CARMIL1: variants seen among roughly 807,000 people sequenced by gnomAD.
CARMIL1 encodes capping protein regulator and myosin 1 linker 1, also known as F-actin-uncapping protein LRRC16A.
Under a neutral mutation model 177.1 loss-of-function variants are expected in CARMIL1, and 90 were observed. The ratio of observed to expected loss-of-function variants is 0.51; its 90% CI spans 0.43 to 0.61. The LOEUF (loss-of-function observed/expected upper bound fraction) is 0.61, where lower values mean the gene tolerates loss of function less well. CARMIL1 is among the 20% of genes least tolerant of loss of function. The pLI, the probability that CARMIL1 is intolerant of heterozygous loss-of-function variation, is 0.00. For missense variants in CARMIL1, 1,380 were observed against 1,667.0 expected (o/e 0.83, Z 3.00); for synonymous variants, 577 against 606.2 (o/e 0.95, Z 0.71).
intron 12 of CARMIL1, among the ~76,000 whole-genome samples, chr6:25,484,049 A>T (rs1802394986): frequency 6.6e-6 from 1 of 152,108 alleles, no homozygotes; most frequent in Admixed American, 6.5e-5. Flanking sequence ...TGAGCTACTG[A>T]GCCTGGCTGC....
At chr6:25,458,413 G>A (rs1372400275) in intron 8 of CARMIL1, among the ~76,000 whole-genome samples, 1 of 150,142 alleles carries the variant, frequency 6.7e-6, no homozygotes, top group African/African-American at 2.5e-5. Flanking sequence ...TGCTTGAATC[G>A]GGTGGCGAGG....
intron 34 of CARMIL1, among the ~76,000 whole-genome samples, chr6:25,605,656 A>G (rs2151320208): frequency 6.6e-6 from 1 of 152,292 alleles, no homozygotes; most frequent in East Asian, 1.9e-4. Flanking sequence ...CAGAGCCCTA[A>G]CTGCTTATTG....
chr6:25,462,538 G>A (rs553962907), intron 8 of CARMIL1, among the ~76,000 whole-genome samples: 110 of 152,206 alleles, frequency 7.2e-4, no homozygotes, highest in African/African-American at 8.4e-4. Context: ...GCATGATGGC[G>A]GCATTTGTTG....
chr6:25,393,438 C>G (rs900625634), intron 2 of CARMIL1: 1 of 152,132 alleles, frequency 6.6e-6, no homozygotes, highest in African/African-American at 2.4e-5. Flanking sequence ...CACCTGTAAT[C>G]CCAGCTACTT....
chr6:25,532,854 A>G (rs1473556707), intron 24 of CARMIL1, among the ~76,000 whole-genome samples: 2 of 152,242 alleles, frequency 1.3e-5, no homozygotes, highest in Admixed American at 1.3e-4. Context: ...TGGAGCCCAT[A>G]GGATCTCTGT....
chr6:25,606,253 CAAGAACCGCCTCACGGCCTGGT>C lies in CARMIL1; in HGVS notation c.3832_3847+6del. 6.2e-7 allele frequency: 1 copy of C among 1,613,654 alleles called. No homozygotes were observed. Among genetic ancestry groups the C allele is most frequent in the South Asian group, 1.1e-5 (1 of 91,034 alleles). On this transcript the variant is annotated splice_donor_variant and coding_sequence_variant, in exon 35 of 37. Coordinates refer to ENST00000329474, the MANE Select transcript of CARMIL1 (RefSeq NM_017640.6). LOFTEE classifies it high-confidence loss of function. ...GCACGGCCCGTCATCCCGCAGAAAC[CAAGAACCGCCTCACGGCCTGGT>C]AAGAGTTTTGCAGTTAGGGAGTTGC...
At position 25,616,654 on chromosome 6, in the gene CARMIL1, C is replaced by T. The variant is rs9358864; in HGVS notation, c.3980-2793C>T. On this transcript the variant is annotated intron_variant, in intron 36 of 36. Transcript: ENST00000329474. ...TCTGGAGTTTTAAGTTTCAAACAGA[C>T]GTAATTCTATTTAGACCATCTTTTA... 2.0e-4 allele frequency among the ~76,000 whole-genome samples: 30 copies of T among 152,284 alleles called. No homozygotes were observed. In the East Asian group the frequency reaches 3.1e-3, roughly 16 times the overall value.
chr6:25,465,960 A>G lies in CARMIL1; in HGVS notation c.690+12A>G. On this transcript the variant is annotated intron_variant, in intron 9 of 36. Transcript: ENST00000329474. ...AGGATCTAAAACTGGTAAGTAATCA[A>G]ACATGCAGCAAATGTTGCTTGGCTT... 1.3e-6 allele frequency: 2 copies of G among 1,583,658 alleles called. No homozygotes were observed. Among genetic ancestry groups the G allele is most frequent in the Non-Finnish European group, 1.7e-6 (2 of 1,154,068 alleles).
intron 8 of CARMIL1, among the ~76,000 whole-genome samples, chr6:25,461,378 C>T (rs891904424): frequency 3.9e-5 from 6 of 152,182 alleles, no homozygotes; most frequent in Non-Finnish European, 8.8e-5. Flanking sequence ...AACAAAGCCC[C>T]TCAAACTTAA....
At chr6:25,498,148 C>G (rs1803927451) in intron 16 of CARMIL1, among the ~76,000 whole-genome samples, 1 of 152,130 alleles carries the variant, frequency 6.6e-6, no homozygotes, top group Non-Finnish European at 1.5e-5. Context: ...TCATGTGGTA[C>G]CCCTTCTCTG....
At position 25,600,416 on chromosome 6, in the gene CARMIL1, C is replaced by G; in HGVS notation, c.3222C>G (p.Ile1074Met). 5 of 1,613,926 alleles carry G rather than the reference C, an allele frequency of 3.1e-6. No homozygotes were observed. The highest frequency in any genetic ancestry group is 4.2e-6 in the Non-Finnish European group (5 of 1,179,878). The change falls in exon 33 of 37, where the codon ATC becomes ATG. Residue 1074 changes from isoleucine to methionine, a missense_variant. Coordinates refer to ENST00000329474, the MANE Select transcript of CARMIL1 (RefSeq NM_017640.6). Reference sequence around the variant, plus strand: ...AAAGTAGTGGCTTTCTCAATTTAATCAAATCCCGGTCCAAATCCGAGCGAC... The same window carrying G: ...AAAGTAGTGGCTTTCTCAATTTAATGAAATCCCGGTCCAAATCCGAGCGAC... ...SRKSSGFLNLIKSRSKSERPP... is the reference protein window; with the variant it reads ...SRKSSGFLNLMKSRSKSERPP...
intron 29 of CARMIL1, among the ~76,000 whole-genome samples, chr6:25,568,217 C>T (rs1350435225): frequency 1.3e-5 from 2 of 152,024 alleles, no homozygotes; most frequent in Middle Eastern, 3.2e-3. Context: ...GATTATATAG[C>T]CTTATATAAA....
At chr6:25,490,238 C>T (rs923110514) in intron 13 of CARMIL1, among the ~76,000 whole-genome samples, 1 of 152,118 alleles carries the variant, frequency 6.6e-6, no homozygotes, top group African/African-American at 2.4e-5. Flanking sequence ...AGTCTTGTCA[C>T]CATTTCATGG....
rs1319774308 is a variant in CARMIL1, at chr6:25,449,944, A to G, written c.418A>G (p.Ser140Gly). 1.2e-6 allele frequency: 2 copies of G among 1,612,040 alleles called. No individual in the cohort carries two copies. Among genetic ancestry groups the G allele is most frequent in the African/African-American group, 1.3e-5 (1 of 74,858 alleles). ...CATGGAGCCATCTGAGCGCCTGGCT[A>G]GTCTCCAGGCGCTGTGGGACAGCCA... ...VSMEPSERLASLQALWDSQTV... is the reference protein window; with the variant it reads ...VSMEPSERLAGLQALWDSQTV... Residue 140 changes from serine to glycine, a missense_variant, in exon 6 of 37, where the codon AGT becomes GGT. Coordinates refer to ENST00000329474, the MANE Select transcript of CARMIL1 (RefSeq NM_017640.6).
chr6:25,332,577 T>C (rs920830741), intron 2 of CARMIL1, among the ~76,000 whole-genome samples: 3 of 152,118 alleles, frequency 2.0e-5, no homozygotes, highest in African/African-American at 7.2e-5. Flanking sequence ...TTGCTGAAAC[T>C]GAGGGACATG....
At chr6:25,477,602 T>C (rs758500407) in intron 11 of CARMIL1, among the ~76,000 whole-genome samples, 1 of 151,090 alleles carries the variant, frequency 6.6e-6, no homozygotes, top group Non-Finnish European at 1.5e-5. Flanking sequence ...GTGAAATCAA[T>C]TTAATAGTTC....
chr6:25,480,882 G>A (rs1455304309), intron 11 of CARMIL1, among the ~76,000 whole-genome samples: 4 of 151,160 alleles, frequency 2.6e-5, no homozygotes, highest in South Asian at 2.1e-4. Flanking sequence ...CACCACGCCC[G>A]GCTAATTTTT....
In CARMIL1 at chr6:25,312,974, C is replaced by G. The variant is rs572860947; in HGVS notation, c.138+28065C>G. ...GTGGAGAGAAGAAACCCTTGTTTCC[C>G]TTTCTGAGTTGTAAAAAGCTTTTAT... On this transcript the variant is annotated intron_variant, in intron 2 of 36. Transcript: ENST00000329474. Among the ~76,000 whole-genome samples the G allele has an allele frequency of 2.0e-5, 3 of 151,328 alleles. No homozygotes were observed. The East Asian group carries it at 5.8e-4, about 29-fold the overall frequency.
intron 31 of CARMIL1, among the ~76,000 whole-genome samples, chr6:25,589,222 G>A (rs1218408120): frequency 1.3e-5 from 2 of 152,124 alleles, no homozygotes; most frequent in African/African-American, 4.8e-5. Flanking sequence ...TATTTTTTGT[G>A]TTGCTAAAAC....
Sources: allele counts gnomAD v4.1 joint callset (sites outside exome capture counted in the v4.1 genomes callset), GRCh38; gene constraint gnomAD v4.1.1; transcripts MANE v1.5; gene names NCBI Gene and HGNC (gene_info 2026-07-23, HGNC 2026-07-21).